NDUFAF7: variants seen among roughly 807,000 people sequenced by gnomAD.
NDUFAF7 encodes the protein protein arginine methyltransferase NDUFAF7, mitochondrial.
In NDUFAF7, 48 loss-of-function variants were observed where a neutral mutation model predicts 47.2. The observed-to-expected ratio is 1.02, with a 90% confidence interval of 0.81 to 1.29. NDUFAF7 has a LOEUF of 1.29. Ranked by LOEUF, NDUFAF7 falls within the 50% of genes most tolerant of loss-of-function variation. The probability of loss-of-function intolerance (pLI) is 0.00; values close to 1 mark genes in which losing one functional copy is unlikely to be tolerated. For missense variants in NDUFAF7, 635 were observed against 537.6 expected (o/e 1.18, Z -1.79); for synonymous variants, 217 against 190.0 (o/e 1.14, Z -1.17).
At chr2:37,262,902 C>CA in the NDUFAF7 span, among the ~76,000 whole-genome samples, 1 of 151,460 alleles carries the variant, frequency 6.6e-6, no homozygotes, top group African/African-American at 2.4e-5. Context: ...CCTTCCCCCC[C>CA]CCGTATTTGT....
the NDUFAF7 span, among the ~76,000 whole-genome samples, chr2:37,262,520 GACA>G: frequency 6.6e-6 from 1 of 152,160 alleles, no homozygotes; most frequent in African/African-American, 2.4e-5. Flanking sequence ...AATACAAAAT[GACA>G]ACATTTTATA....
chr2:37,260,198 T>TAAA, the NDUFAF7 span: 1 of 1,185,882 alleles, frequency 8.4e-7, no homozygotes, highest in Non-Finnish European at 1.2e-6. Context: ...ATCGCTAGTT[T>TAAA]AAAAAAAAAA....
At position 37,235,531 on chromosome 2, in the gene NDUFAF7, C is replaced by A. The variant is rs1023429534; in HGVS notation, c.217-565C>A. ...GAAGGGTCTGGCGTGCAGAGATGGACGTTACATGACTTCTGCCTTTACGGT... is the reference window on the plus strand; with the variant it reads ...GAAGGGTCTGGCGTGCAGAGATGGAAGTTACATGACTTCTGCCTTTACGGT... On this transcript the variant is annotated intron_variant, in intron 2 of 9. Transcript: ENST00000002125. Among the ~76,000 whole-genome samples, 4 of 151,992 alleles carry A rather than the reference C, an allele frequency of 2.6e-5. No individual in the cohort carries two copies. In the South Asian group the frequency reaches 6.2e-4, roughly 24 times the overall value.
chr2:37,267,196 AT>A, the NDUFAF7 span, among the ~76,000 whole-genome samples: 2 of 152,186 alleles, frequency 1.3e-5, no homozygotes, highest in African/African-American at 4.8e-5. Context: ...TATCCTAAGT[AT>A]TTTAAGCTCC....
At position 37,236,841 on chromosome 2, in the gene NDUFAF7, T is replaced by TC. The variant is rs561457121; in HGVS notation, c.297+665_297+666insC. ...ACAAAAGGAAAGGCGAGGAAAGAGG[T>TC]AGAGTGCCCAGGAGAGTGCCCGGGA... On this transcript the variant is annotated intron_variant, in intron 3 of 9. Transcript: ENST00000002125. 2.0e-3 allele frequency among the ~76,000 whole-genome samples: 293 copies of TC among 147,942 alleles called. 3 individuals carry two copies. Among genetic ancestry groups the TC allele is most frequent in the Admixed American group, 0.015 (217 of 14,864 alleles).
Position 37,247,468 on chromosome 2 carries a change from C to G in NDUFAF7, c.949C>G (p.His317Asp). The G allele has an allele frequency of 6.2e-7, 1 of 1,613,832 alleles. No individual in the cohort carries two copies. Among genetic ancestry groups the G allele is most frequent in the South Asian group, 1.1e-5 (1 of 91,058 alleles). Residue 317 changes from histidine (H) to aspartate (D), a missense_variant, in exon 9 of 10, where the codon CAC becomes GAC. Transcript: ENST00000002125. ...KTDTFRGFCD[H>D]KLHDVLIAPG... ...CTTTATGTTCAAGGGGTTTTGCGAC[C>G]ACAAGCTTCATGATGTCTTAATTGC...
In NDUFAF7 at chr2:37,232,276, G is replaced by C. The variant is rs1466897936; in HGVS notation, c.216+10G>C. Reference sequence around the variant, plus strand: ...GACTAATCCAGCCAAGGTATGGGTCGGGTAGCCCGAGGACTAGGCCCTCTC... The same window carrying C: ...GACTAATCCAGCCAAGGTATGGGTCCGGTAGCCCGAGGACTAGGCCCTCTC... On this transcript the variant is annotated intron_variant, in intron 2 of 9. Coordinates refer to ENST00000002125, the MANE Select transcript of NDUFAF7 (RefSeq NM_144736.5). 1.2e-6 allele frequency: 2 copies of C among 1,612,340 alleles called. No individual in the cohort carries two copies. The highest frequency in any genetic ancestry group is 1.7e-5 in the Admixed American group (1 of 60,006).
intron 1 of NDUFAF7, 65 bp from the exon 2 acceptor site, chr2:37,232,041 A>G: frequency 6.2e-7 from 1 of 1,612,892 alleles, no homozygotes; most frequent in Non-Finnish European, 8.5e-7. Flanking sequence ...GAAAACGCTC[A>G]GGCGGCTTGC....
At chr2:37,260,552 T>G in the NDUFAF7 span, among the ~76,000 whole-genome samples, 1 of 152,220 alleles carries the variant, frequency 6.6e-6, no homozygotes, top group Non-Finnish European at 1.5e-5. Flanking sequence ...AGGTTTTAAT[T>G]CTCCAAGTTG....
chr2:37,242,756 T>C, intron 6 of NDUFAF7, 63 bp downstream of exon 6: 1 of 1,242,140 alleles, frequency 8.1e-7, no homozygotes, highest in Non-Finnish European at 1.2e-6. Flanking sequence ...GTTGCCAATG[T>C]TTATGGTATT....
chr2:37,258,736 A>G, the NDUFAF7 span, among the ~76,000 whole-genome samples: 15 of 152,272 alleles, frequency 9.9e-5, no homozygotes, highest in African/African-American at 3.4e-4. Flanking sequence ...TATGATTACT[A>G]CTTTAAAAGC....
intron 7 of NDUFAF7, among the ~76,000 whole-genome samples, chr2:37,245,787 C>A (rs553661142): frequency 3.0e-4 from 46 of 152,196 alleles, no homozygotes; most frequent in African/African-American, 1.1e-3. Flanking sequence ...TCTAGGCCAT[C>A]TGGGGGGATT....
chr2:37,233,756 G>C (rs769535730), intron 2 of NDUFAF7, among the ~76,000 whole-genome samples: 24 of 152,062 alleles, frequency 1.6e-4, no homozygotes, highest in Non-Finnish European at 2.4e-4. Context: ...GAGAAAGGAA[G>C]GTTTCCCAGC....
chr2:37,245,323 G>C (rs1387283500), intron 7 of NDUFAF7, among the ~76,000 whole-genome samples: 1 of 152,288 alleles, frequency 6.6e-6, no homozygotes, highest in Non-Finnish European at 1.5e-5. Flanking sequence ...TTTTCATAAT[G>C]AAGGGAAAGA....
At chr2:37,253,061 A>T, downstream of NDUFAF7, 1 of 1,096,272 alleles carries the variant, frequency 9.1e-7, no homozygotes, top group Admixed American at 2.5e-5. Flanking sequence ...CTTATTCGTT[A>T]TCATATTTCT....
downstream of NDUFAF7, among the ~76,000 whole-genome samples, chr2:37,254,706 G>A (rs573149163): frequency 6.6e-6 from 1 of 152,252 alleles, no homozygotes; most frequent in East Asian, 1.9e-4. Flanking sequence ...ATTATTTGAA[G>A]ATGAATGAAA....
downstream of NDUFAF7, among the ~76,000 whole-genome samples, chr2:37,255,272 A>G (rs983537024): frequency 1.3e-5 from 2 of 151,460 alleles, no homozygotes; most frequent in Non-Finnish European, 2.9e-5. Context: ...GTTTGATGGA[A>G]TATTAGTTAA....
At chr2:37,259,780 C>A in the NDUFAF7 span, 1 of 786,710 alleles carries the variant, frequency 1.3e-6, no homozygotes, top group South Asian at 1.8e-5. Context: ...CACTATAGTT[C>A]ATCAAGACTT....
At chr2:37,264,266 A>G in the NDUFAF7 span, among the ~76,000 whole-genome samples, 1 of 152,194 alleles carries the variant, frequency 6.6e-6, no homozygotes, top group African/African-American at 2.4e-5. Context: ...GTTTTTTTCA[A>G]TCTAACAATG....
Sources: allele counts gnomAD v4.1 joint callset (sites outside exome capture counted in the v4.1 genomes callset), GRCh38; gene constraint gnomAD v4.1.1; transcripts MANE v1.5; gene names NCBI Gene and HGNC (gene_info 2026-07-23, HGNC 2026-07-21).